PRSS27: variants seen among roughly 807,000 people sequenced by gnomAD.
PRSS27 encodes the protein serine protease 27.
In PRSS27, 25 loss-of-function variants were observed where a neutral mutation model predicts 32.0. That is an observed-to-expected ratio of 0.78 (90% CI 0.57 to 1.09). The LOEUF (loss-of-function observed/expected upper bound fraction) is 1.09, where lower values mean the gene tolerates loss of function less well. PRSS27 is among the 50% of genes least tolerant of loss of function. PRSS27 has a pLI of 0.00. For missense variants in PRSS27, 401 were observed against 394.9 expected, an observed-to-expected ratio of 1.02 and a Z score of -0.13; for synonymous variants, 178 against 172.2, an observed-to-expected ratio of 1.03 and a Z score of -0.26.
intron 5 of PRSS27, 135 bp downstream of exon 5, chr16:2,713,394 G>C (rs556981462): frequency 1.1e-6 from 1 of 950,940 alleles, no homozygotes; most frequent in East Asian, 2.5e-5. Context: ...CACCACACCC[G>C]GCCCTGGAAT....
intron 3 of PRSS27, 157 bp downstream of exon 3, chr16:2,715,561 A>G: frequency 1.8e-6 from 1 of 557,604 alleles, no homozygotes; most frequent in Non-Finnish European, 3.0e-6. Flanking sequence ...CTGGAGTTGG[A>G]CCTAAGGGAA....
intron 2 of PRSS27, 155 bp downstream of exon 2, chr16:2,716,341 TCCTC>T (rs2067702357): frequency 1.4e-6 from 1 of 704,646 alleles, no homozygotes; most frequent in African/African-American, 1.8e-5. Flanking sequence ...ACCTTCCTCC[TCCTC>T]TCCTTTCTGG....
chr16:2,714,024 T>A lies in PRSS27; in HGVS notation c.508+41A>T. On this transcript the variant is annotated intron_variant, in intron 4 of 5. Coordinates refer to ENST00000302641, the MANE Select transcript of PRSS27 (RefSeq NM_031948.5). The surrounding 1 kb of genome is among the most constrained non-coding windows in gnomAD (Gnocchi z 4.7). ...GTCCCCAAGCCGTCCTGGGCCTTCT[T>A]GAGGCATATCCCCCATTCTTTCCCA... is the stretch of plus-strand genomic sequence containing the variant. 2 of 1,561,852 alleles carry A rather than the reference T, an allele frequency of 1.3e-6. No homozygotes were observed.
At chr16:2,716,196 G>C (rs2067701313) in intron 2 of PRSS27, 3 of 568,770 alleles carry the variant, frequency 5.3e-6, no homozygotes, top group Non-Finnish European at 9.4e-6. Context: ...TGGAAGGATA[G>C]AACAGGTGTC....
Position 2,714,073 on chromosome 16 carries a change from C to T in PRSS27, c.500G>A (p.Ser167Asn). Residue 167 changes from serine (S) to asparagine (N), a missense_variant, in exon 4 of 6, where the codon AGT becomes AAT. Transcript: ENST00000302641. This position sits in a 1 kb window ranked among gnomAD's most constrained non-coding sequence, Gnocchi z 4.7. ...NCWVTGWGSP[S>N]EEDLLPEPRI... ...CAGCCCTGTCCCCTTACCTTCCTCACTGGGGCTGCCCCAGCCAGTGACCCA... is the reference window on the plus strand; with the variant it reads ...CAGCCCTGTCCCCTTACCTTCCTCATTGGGGCTGCCCCAGCCAGTGACCCA... The T allele has an allele frequency of 6.2e-7, 1 of 1,608,288 alleles. No individual in the cohort carries two copies. The highest frequency in any genetic ancestry group is 1.7e-5 in the Admixed American group (1 of 59,584).
Position 2,714,400 on chromosome 16 carries a change from G to C in PRSS27, c.237-64C>G. The C allele has an allele frequency of 1.3e-6, 2 of 1,562,830 alleles. No individual in the cohort carries two copies. Among genetic ancestry groups the C allele is most frequent in the African/African-American group, 2.8e-5 (2 of 72,674 alleles). On this transcript the variant is annotated intron_variant, in intron 3 of 5. Coordinates refer to ENST00000302641, the MANE Select transcript of PRSS27 (RefSeq NM_031948.5). The surrounding 1 kb of genome is among the most constrained non-coding windows in gnomAD (Gnocchi z 4.7). ...TCGTGTGGGGACAGGCCCGGGAGGG[G>C]CTGGGGCTCCTCTGGCCACCACCGT...
At position 2,712,455 on chromosome 16, in the gene PRSS27, A is replaced by G. The variant is rs992579563; in HGVS notation, c.*165T>C. On this transcript the variant is annotated 3_prime_UTR_variant, in exon 6 of 6. Coordinates refer to ENST00000302641, the MANE Select transcript of PRSS27 (RefSeq NM_031948.5). This position sits in a 1 kb window ranked among gnomAD's most constrained non-coding sequence, Gnocchi z 4.6. ...AGGCTGGGTTTTTATTGGGAGAAACATAAATAAAATAAGGGTATTTGAGAG... is the reference window on the plus strand; with the variant it reads ...AGGCTGGGTTTTTATTGGGAGAAACGTAAATAAAATAAGGGTATTTGAGAG... The G allele has an allele frequency of 3.2e-5, 20 of 628,344 alleles. No individual in the cohort carries two copies. Among genetic ancestry groups the G allele is most frequent in the Non-Finnish European group, 4.7e-5 (18 of 384,086 alleles). 38.9% of individuals were successfully genotyped at this position (628,344 alleles called of 1,614,324 possible). A position where few individuals can be genotyped will look rare whatever the true frequency, so the allele number is the denominator to read the frequency against.
At position 2,714,269 on chromosome 16, in the gene PRSS27, C is replaced by T. The variant is rs763261442; in HGVS notation, c.304G>A (p.Ala102Thr). 3.5e-5 allele frequency: 57 copies of T among 1,613,214 alleles called. No individual in the cohort carries two copies. Among genetic ancestry groups the T allele is most frequent in the Non-Finnish European group, 4.2e-5 (50 of 1,179,784 alleles). The change falls in exon 4 of 6, where the codon GCT becomes ACT. Residue 102 changes from alanine to threonine, a missense_variant. Physicochemically the swap from Ala to Thr is moderately conservative, Grantham distance 58. Transcript: ENST00000302641. The surrounding 1 kb of genome is among the most constrained non-coding windows in gnomAD (Gnocchi z 4.7). ...ACCTGCCTCACCCGGGCATACATAG[C>T]GTGTGGTCCCGGCTGCACTAGCTGC... ...ARQLVQPGPH[A>T]MYARVRQVES...
At chr16:2,715,580 G>A (rs943862721) in intron 3 of PRSS27, 138 bp downstream of exon 3, 2 of 610,968 alleles carry the variant, frequency 3.3e-6, no homozygotes, top group Non-Finnish European at 5.4e-6. Flanking sequence ...AAGCATCTGG[G>A]TGGGAGGGGC....
chr16:2,713,249 C>G, intron 5 of PRSS27: 7 of 471,306 alleles, frequency 1.5e-5, no homozygotes, highest in South Asian at 1.4e-4. Context: ...CAGGCGCCCA[C>G]CACCACGCCT....
chr16:2,715,529 C>G (rs1445747570), intron 3 of PRSS27, 189 bp downstream of exon 3: 1 of 512,614 alleles, frequency 2.0e-6, no homozygotes, highest in Non-Finnish European at 3.4e-6. Flanking sequence ...GCGGGAGCAG[C>G]GGTTGCAACT....
At chr16:2,713,219 C>A (rs530770577) in intron 5 of PRSS27, 4 of 458,804 alleles carry the variant, frequency 8.7e-6, no homozygotes, top group South Asian at 6.3e-5. Flanking sequence ...CTGCCTCAGC[C>A]TCCCAAGTAG....
rs1446191295 is a variant in PRSS27 at position 2,712,752 on chromosome 16, G to A, written c.741C>T (p.Ile247=). 1 of 1,587,560 alleles carries A rather than the reference G, an allele frequency of 6.3e-7. No individual in the cohort carries two copies. The highest frequency in any genetic ancestry group is 1.3e-5 in the African/African-American group (1 of 74,538). The part of the protein sequence containing the change: ...VGQSWLQAGV[I]SWGEGCARQN... ...GGCGGGCACAGCCCTCACCCCAGCTGATCACCCCCGCCTGCAGCCACGACT... is the reference window on the plus strand; with the variant it reads ...GGCGGGCACAGCCCTCACCCCAGCTAATCACCCCCGCCTGCAGCCACGACT... The change falls in exon 6 of 6, where the codon ATC becomes ATT. Residue 247 remains isoleucine, a synonymous_variant. Transcript: ENST00000302641. The surrounding 1 kb of genome is among the most constrained non-coding windows in gnomAD (Gnocchi z 4.6).
chr16:2,714,357 G>T lies in PRSS27; in HGVS notation c.237-21C>A. On this transcript the variant is annotated intron_variant, in intron 3 of 5. Transcript: ENST00000302641. This position sits in a 1 kb window ranked among gnomAD's most constrained non-coding sequence, Gnocchi z 4.7. ...AGGTGCTGGCGGGAGAAACAGAGAG[G>T]CGGCGTGAGGCGGCCCCTCGTGTGG... The T allele has an allele frequency of 6.2e-7, 1 of 1,607,252 alleles. No homozygotes were observed.
chr16:2,714,200 C>T lies in PRSS27; in HGVS notation c.373G>A (p.Val125Met), dbSNP rs145909208. Residue 125 changes from valine to methionine, a missense_variant, in exon 4 of 6, where the codon GTG becomes ATG. Physicochemically the swap from Val to Met is conservative, Grantham distance 21 (BLOSUM62 1). Coordinates refer to ENST00000302641, the MANE Select transcript of PRSS27 (RefSeq NM_031948.5). The surrounding 1 kb of genome is among the most constrained non-coding windows in gnomAD (Gnocchi z 4.7). ...GGTGCCTCCAGCTCCACCAGGGCCA[C>T]GTCAGCGCTGGAGGCCGTGCCCTGG... ...LYQGTASSAD[V>M]ALVELEAPVP... The T allele has an allele frequency of 3.9e-5, 63 of 1,614,046 alleles. No individual in the cohort carries two copies. In the African/African-American group the frequency reaches 5.6e-4, roughly 14 times the overall value.
Position 2,712,526 on chromosome 16 carries a change from G to T in PRSS27, c.*94C>A. On this transcript the variant is annotated 3_prime_UTR_variant, in exon 6 of 6. Coordinates refer to ENST00000302641, the MANE Select transcript of PRSS27 (RefSeq NM_031948.5). The surrounding 1 kb of genome is among the most constrained non-coding windows in gnomAD (Gnocchi z 4.6). ...ACAAATGAGTCTGGTGGGGCTCACA[G>T]GTGCAACAGCAGCGCTGGGAGGACC... 9.3e-7 allele frequency: 1 copy of T among 1,077,792 alleles called. No homozygotes were observed. Among genetic ancestry groups the T allele is most frequent in the Non-Finnish European group, 1.3e-6 (1 of 750,106 alleles). The allele number at this position is 1,077,792 out of a possible 1,614,324, so 66.8% of individuals were successfully genotyped here. A position where few individuals can be genotyped will look rare whatever the true frequency, so the allele number is the denominator to read the frequency against.
intron 5 of PRSS27, 68 bp downstream of exon 5, chr16:2,713,461 C>T: frequency 6.6e-7 from 1 of 1,508,870 alleles, no homozygotes; most frequent in Non-Finnish European, 9.2e-7. Flanking sequence ...TGGAGCGGGG[C>T]ATGATCCCAC....
Position 2,716,502 on chromosome 16 carries a change from G to T in PRSS27, c.71C>A (p.Thr24Lys). The T allele has an allele frequency of 6.2e-7, 1 of 1,604,922 alleles. No homozygotes were observed. The highest frequency in any genetic ancestry group is 1.1e-5 in the South Asian group (1 of 89,232). Residue 24 changes from threonine to lysine, a missense_variant and splice_region_variant, in exon 2 of 6, where the codon ACA becomes AAA. Physicochemically the swap from Thr to Lys is moderately conservative, Grantham distance 78. Coordinates refer to ENST00000302641, the MANE Select transcript of PRSS27 (RefSeq NM_031948.5). ...ACCCCAGGGCCCTGGGTGCTTACCT[G>T]TTGCTGCCTTGGCCCTCTGAGACCC... Reference protein sequence around the residue: ...CFGSQRAKAATACGRPRMLNR... With the variant: ...CFGSQRAKAAKACGRPRMLNR...
intron 1 of PRSS27, 27 bp from the exon 2 acceptor site, chr16:2,716,553 C>T: frequency 6.3e-7 from 1 of 1,590,902 alleles, no homozygotes; most frequent in African/African-American, 1.3e-5. Context: ...GGTGATCAGC[C>T]AGGCCAGCTG....
Sources: gnomAD v4.1 joint callset for allele counts on GRCh38, gnomAD v4.1.1 for gene constraint, Gnocchi (gnomAD v3.1) non-coding constraint, MANE v1.5 for transcripts, NCBI Gene and HGNC (gene_info 2026-07-23, HGNC 2026-07-21) for gene names.